The following ABCA2 variants were observed in gnomAD, a reference collection of about 807,000 sequenced individuals.
ABCA2 encodes the protein ATP-binding cassette sub-family A member 2.
In ABCA2, 84 loss-of-function variants were observed where a neutral mutation model predicts 262.8. That is an observed-to-expected ratio of 0.32 (90% CI 0.27 to 0.38). ABCA2 has a LOEUF of 0.38. Ranked by LOEUF, ABCA2 falls within the 10% of genes least tolerant of loss-of-function variation. The pLI is 1.00. For synonymous variants in ABCA2, 1,696 were observed against 1,502.9 expected, an observed-to-expected ratio of 1.13 and a Z score of -2.97; for missense variants, 2,662 against 3,405.9, an observed-to-expected ratio of 0.78 and a Z score of 5.44.
At chr9:137,008,171 C>T (rs996452726) in intron 48 of ABCA2, 44 of 808,422 alleles carry the variant, frequency 5.4e-5, no homozygotes, top group Admixed American at 4.5e-4. Context: ...CCCTGTTCCC[C>T]GGCTCTGGTC....
chr9:137,012,173 C>A lies in ABCA2; in HGVS notation c.5300-11G>T. The A allele has an allele frequency of 6.2e-7, 1 of 1,611,064 alleles. No homozygotes were observed. Among genetic ancestry groups the A allele is most frequent in the Non-Finnish European group, 8.5e-7 (1 of 1,179,544 alleles). ...TGGTGACGGTGATGCCTGCACACGG[C>A]GGGGCGGGGGCGGCAGCTTCAGGCC... On this transcript the variant is annotated splice_polypyrimidine_tract_variant and intron_variant, in intron 33 of 48. Coordinates refer to ENST00000341511, the MANE Select transcript of ABCA2 (RefSeq NM_001606.5).
rs1252316085 is a variant in ABCA2, at chr9:137,016,773, G to A, written c.2759-35C>T. The stretch of plus-strand genomic sequence containing the variant: ...GGGGAGGGGAGGGGAGGCTGACCTA[G>A]GGCCTGGGGTGACCATCCACCACGT... On this transcript the variant is annotated intron_variant, in intron 19 of 48. Transcript: ENST00000341511. The A allele has an allele frequency of 2.6e-6, 4 of 1,538,026 alleles. No individual in the cohort carries two copies. The African/African-American group carries it at 5.4e-5, about 21-fold the overall frequency.
At chr9:137,025,258 A>C (rs1831615040) in intron 1 of ABCA2, among the ~76,000 whole-genome samples, 1 of 152,190 alleles carries the variant, frequency 6.6e-6, no homozygotes, top group Admixed American at 6.5e-5. Flanking sequence ...CAAGGACTTT[A>C]CCGGTTCTTG....
At chr9:137,016,525 A>T in intron 20 of ABCA2, 49 bp downstream of exon 20, 1 of 1,612,196 alleles carries the variant, frequency 6.2e-7, no homozygotes, top group Non-Finnish European at 8.5e-7. Flanking sequence ...GCCACCCAGG[A>T]CTCTGAACCC....
In ABCA2 at chr9:137,015,062, G is replaced by A; in HGVS notation, c.3733C>T (p.Pro1245Ser). ...TGGAGCTCGGAGCAGCTGCTCAGCG[G>A]GGCCCGACCTGGGGGGCTGGATGCC... ...GLASSPPGRA[P>S]LSSCSELQVS... The change falls in exon 25 of 49, where the codon CCG becomes TCG. Residue 1245 changes from proline to serine, a missense_variant. Physicochemically the swap from Pro to Ser is moderately conservative, Grantham distance 74. Around this residue, in one of 12 missense-constraint regions of ABCA2, gnomAD observed 297 missense variants for 286.5 expected, o/e 1.04. Transcript: ENST00000341511. 6.2e-7 allele frequency: 1 copy of A among 1,603,376 alleles called. No homozygotes were observed. Among genetic ancestry groups the A allele is most frequent in the Non-Finnish European group, 8.5e-7 (1 of 1,175,446 alleles).
intron 25 of ABCA2, 21 bp downstream of exon 25, chr9:137,014,892 C>T: frequency 6.3e-7 from 1 of 1,576,286 alleles, no homozygotes; most frequent in Non-Finnish European, 8.6e-7. Context: ...CAACTGCCCC[C>T]CGACCCGTGC....
Position 137,018,028 on chromosome 9 carries a change from C to G in ABCA2, c.2041G>C (p.Val681Leu). Residue 681 changes from valine (V) to leucine (L), a missense_variant, in exon 15 of 49, where the codon GTG becomes CTG. Physicochemically the swap from Val to Leu is conservative, Grantham distance 32. This residue lies in a region of ABCA2 where 188 missense variants were observed against 343.4 expected (regional missense o/e 0.55). Coordinates refer to ENST00000341511, the MANE Select transcript of ABCA2 (RefSeq NM_001606.5). ...IIDTFVGHDV[V>L]EPGSYVQMFP... ...ATCTGCACGTAGCTGCCTGGCTCCA[C>G]CACATCGTGCCCCACAAAAGTGTCG... 6.2e-7 allele frequency: 1 copy of G among 1,612,776 alleles called. No individual in the cohort carries two copies. The highest frequency in any genetic ancestry group is 8.5e-7 in the Non-Finnish European group (1 of 1,179,968).
At chr9:137,027,915 AGGGCAG>A (rs533220946) in intron 1 of ABCA2, 154 bp downstream of exon 1, 11,513 of 186,214 alleles carry the variant, frequency 0.062, 1,100 homozygotes, top group African/African-American at 0.22. Context: ...CCGGCAGGCG[AGGGCAG>A]GGCCCGGCGG....
chr9:137,008,113 C>T (rs934917907), intron 48 of ABCA2, 149 bp from the exon 49 acceptor site: 4 of 1,039,612 alleles, frequency 3.8e-6, no homozygotes, highest in Admixed American at 2.4e-5. Flanking sequence ...CTGGGCTCTC[C>T]CGGGCCTCCG....
chr9:137,017,477 C>T, intron 17 of ABCA2, 25 bp downstream of exon 17: 2 of 1,599,626 alleles, frequency 1.3e-6, no homozygotes, highest in Non-Finnish European at 1.7e-6. Flanking sequence ...TGCCCCAGGT[C>T]CCTCCTACCA....
Position 137,009,965 on chromosome 9 carries a change from C to T in ABCA2, c.6495+18G>A, listed in dbSNP as rs752353284. 1.1e-5 allele frequency: 17 copies of T among 1,594,774 alleles called. No homozygotes were observed. Among genetic ancestry groups the T allele is most frequent in the South Asian group, 5.6e-5 (5 of 89,302 alleles). On this transcript the variant is annotated intron_variant, in intron 42 of 48. Coordinates refer to ENST00000341511, the MANE Select transcript of ABCA2 (RefSeq NM_001606.5). Reference sequence around the variant, plus strand: ...CACCCAGCGTGCTGACTCCCTGCCCCGCCCCACAGATCCTCACCCGGGCCT... The same window carrying T: ...CACCCAGCGTGCTGACTCCCTGCCCTGCCCCACAGATCCTCACCCGGGCCT...
At chr9:137,018,694 G>A (rs1310941359) in intron 13 of ABCA2, 25 bp downstream of exon 13, 2 of 1,581,614 alleles carry the variant, frequency 1.3e-6, no homozygotes, top group East Asian at 2.3e-5. Flanking sequence ...TGGGGGGCTG[G>A]GGCGGGGCGG....
rs1262882665 is a variant in ABCA2, at chr9:137,011,999, C to T, written c.5380G>A (p.Val1794Ile). The T allele has an allele frequency of 6.2e-7, 1 of 1,612,370 alleles. No individual in the cohort carries two copies. The highest frequency in any genetic ancestry group is 8.5e-7 in the Non-Finnish European group (1 of 1,179,912). Residue 1794 changes from valine to isoleucine, a missense_variant, in exon 35 of 49, where the codon GTC becomes ATC. This residue lies in a region of ABCA2 where 602 missense variants were observed against 897.4 expected (regional missense o/e 0.67). Transcript: ENST00000341511. The surrounding 1 kb of genome is among the most constrained non-coding windows in gnomAD (Gnocchi z 8.8). ...GCCACGATGATGAAGATGGCGATGA[C>T]GACATCCGTGCCCTGCAGCCTGGGG... Reference protein sequence around the residue: ...LDYLLQGTDVVIAIFIIVAMS... With the variant: ...LDYLLQGTDVIIAIFIIVAMS...
chr9:137,021,555 C>T lies in ABCA2; in HGVS notation c.734G>A (p.Gly245Glu). Residue 245 changes from glycine (G) to glutamate (E), a missense_variant, in exon 8 of 49, where the codon GGG (glycine) becomes GAG (glutamate). This residue lies in a region of ABCA2 where 403 missense variants were observed against 375.9 expected (regional missense o/e 1.07). Transcript: ENST00000341511. This position sits in a 1 kb window ranked among gnomAD's most constrained non-coding sequence, Gnocchi z 6.0. Reference protein sequence around the residue: ...LEQLTCTPGSGELGRILTVPE... With the variant: ...LEQLTCTPGSEELGRILTVPE... ...CACAGTGAGGATCCGGCCCAGCTCC[C>T]CCGAGCCCGGCGTGCAGGTGAGCTG... is the stretch of plus-strand genomic sequence containing the variant. 1 of 1,585,058 alleles carries T rather than the reference C, an allele frequency of 6.3e-7. No homozygotes were observed. The highest frequency in any genetic ancestry group is 8.6e-7 in the Non-Finnish European group (1 of 1,166,620).
chr9:137,017,348 TG>T lies in ABCA2; in HGVS notation c.2403-3del. ...GAGTACAGCACAGACACCAGGAAGCTGGGTGGGCAGGGGCCACGCGCACCGT... is the reference window on the plus strand; with the variant it reads ...GAGTACAGCACAGACACCAGGAAGCTGGTGGGCAGGGGCCACGCGCACCGT... On this transcript the variant is annotated splice_region_variant and splice_polypyrimidine_tract_variant and intron_variant, in intron 17 of 48. Transcript: ENST00000341511. 1 of 1,612,388 alleles carries T rather than the reference TG, an allele frequency of 6.2e-7. No individual in the cohort carries two copies. The highest frequency in any genetic ancestry group is 8.5e-7 in the Non-Finnish European group (1 of 1,179,760).
Position 137,013,219 on chromosome 9 carries a change from G to A in ABCA2, c.4650C>T (p.Asn1550=), listed in dbSNP as rs545124294. ...GGTTCAACGTGGGCCCCAGCGAGCC[G>A]TTGGCGGGAGACTTGAGCACGCAGG... ...GATCVLKSPA[N]GSLGPTLNLS... Residue 1550 remains asparagine, a synonymous_variant, in exon 30 of 49, where the codon AAC becomes AAT. Transcript: ENST00000341511. The A allele has an allele frequency of 1.2e-5, 19 of 1,602,590 alleles. No individual in the cohort carries two copies. The highest frequency in any genetic ancestry group is 6.7e-5 in the East Asian group (3 of 44,562).
Position 137,015,755 on chromosome 9 carries a change from A to G in ABCA2, c.3434T>C (p.Ile1145Thr). ...AIAFVGGSRA[I>T]ILDEPTAGVD... ...GCCCGCCGTGGGCTCGTCCAGGATG[A>G]TGGCGCGAGAGCCGCCCACGAAGGC... is the stretch of plus-strand genomic sequence containing the variant. Residue 1145 changes from isoleucine (I) to threonine (T), a missense_variant, in exon 23 of 49, where the codon ATC becomes ACC. By Grantham distance (89) the Ile-to-Thr change is moderately conservative. Transcript: ENST00000341511. 1 of 1,612,306 alleles carries G rather than the reference A, an allele frequency of 6.2e-7. No homozygotes were observed. Among genetic ancestry groups the G allele is most frequent in the African/African-American group, 1.3e-5 (1 of 75,044 alleles).
At chr9:137,013,369 A>AGCCCCGCCCCCTCGCCC in intron 29 of ABCA2, 51 bp from the exon 30 acceptor site, 1 of 1,525,892 alleles carries the variant, frequency 6.6e-7, no homozygotes. Context: ...GCCCCTCGCC[A>AGCCCCGCCCCCTCGCCC]GCCCCGCCCC....
At position 137,015,604 on chromosome 9, in the gene ABCA2, A is replaced by C. The variant is rs767810844; in HGVS notation, c.3515-8T>G. The C allele has an allele frequency of 5.6e-6, 9 of 1,612,158 alleles. No individual in the cohort carries two copies. In the South Asian group the frequency reaches 9.9e-5, roughly 18 times the overall value. The stretch of plus-strand genomic sequence containing the variant: ...ACAGAAGGATGGTGCGGCCTAGGAC[A>C]AGGCCAGACCCAGGGTCAGGGGGCA... On this transcript the variant is annotated splice_region_variant and splice_polypyrimidine_tract_variant and intron_variant, in intron 23 of 48. Transcript: ENST00000341511.
Sources: gnomAD v4.1 joint callset for allele counts (sites outside exome capture counted in the v4.1 genomes callset) on GRCh38, gnomAD v4.1.1 for gene constraint, gnomAD v4.1.1 regional missense constraint, Gnocchi (gnomAD v3.1) non-coding constraint, MANE v1.5 for transcripts, NCBI Gene and HGNC (gene_info 2026-07-23, HGNC 2026-07-21) for gene names.